The following GALNT9 variants were observed in gnomAD, a reference collection of about 807,000 sequenced individuals.
The protein encoded by GALNT9 is polypeptide N-acetylgalactosaminyltransferase 9.
Under a neutral mutation model 63.1 loss-of-function variants are expected in GALNT9, and 47 were observed. The ratio of observed to expected loss-of-function variants is 0.75; its 90% CI spans 0.59 to 0.95. The LOEUF (loss-of-function observed/expected upper bound fraction) is 0.95, where lower values mean the gene tolerates loss of function less well. Among genes scored for constraint, GALNT9 ranks in the 40% least tolerant of loss-of-function variants. The pLI is 0.00. For missense variants in GALNT9, 829 were observed against 874.8 expected (o/e 0.95, Z 0.66); for synonymous variants, 396 against 365.7 (o/e 1.08, Z -0.94).
At chr12:132,262,209 T>C (rs912450620) in intron 3 of GALNT9, among the ~76,000 whole-genome samples, 8 of 152,058 alleles carry the variant, frequency 5.3e-5, no homozygotes, top group African/African-American at 1.7e-4. Flanking sequence ...GAAGAGAGGA[T>C]GCAGACACAT....
chr12:132,230,605 G>A lies in GALNT9; in HGVS notation c.1077+17305C>T, dbSNP rs964048039. 6.0e-5 allele frequency among the ~76,000 whole-genome samples: 9 copies of A among 149,538 alleles called. No individual in the cohort carries two copies. In the East Asian group the frequency reaches 9.7e-4, roughly 16 times the overall value. On this transcript the variant is annotated intron_variant, in intron 6 of 10. Coordinates refer to ENST00000328957, the MANE Select transcript of GALNT9 (RefSeq NM_001122636.2). ...GGCCGCGCCACCTGGCCCTCGTGGCGGGGAAGTCCTCACGGAGTGGATGAG... is the reference window on the plus strand; with the variant it reads ...GGCCGCGCCACCTGGCCCTCGTGGCAGGGAAGTCCTCACGGAGTGGATGAG...
intron 2 of GALNT9, 147 bp from the exon 3 acceptor site, chr12:132,262,772 G>C (rs1879451565): frequency 2.1e-6 from 3 of 1,438,490 alleles, no homozygotes; most frequent in East Asian, 5.1e-5. Flanking sequence ...TAGCTCATCT[G>C]TCTGCACCTG....
rs1869060649 is a variant in GALNT9 at position 132,326,917 on chromosome 12, C to T, written c.238+2049G>A. 3.3e-5 allele frequency among the ~76,000 whole-genome samples: 5 copies of T among 152,276 alleles called. No individual in the cohort carries two copies. The South Asian group carries it at 8.3e-4, about 25-fold the overall frequency. ...AGACATCAGGCCTCTACGGCACCGCCCTCCCCGTAGGGCCCCACCGGGGGT... is the reference window on the plus strand; with the variant it reads ...AGACATCAGGCCTCTACGGCACCGCTCTCCCCGTAGGGCCCCACCGGGGGT... On this transcript the variant is annotated intron_variant, in intron 1 of 10. Transcript: ENST00000328957.
chr12:132,325,898 CA>C (rs1464625052), intron 1 of GALNT9, among the ~76,000 whole-genome samples: 1 of 152,278 alleles, frequency 6.6e-6, no homozygotes, highest in Non-Finnish European at 1.5e-5. Context: ...CCGCGCCAGG[CA>C]GGGGTGATTC....
intron 1 of GALNT9, among the ~76,000 whole-genome samples, chr12:132,314,111 A>C (rs1593122338): frequency 2.0e-5 from 1 of 49,534 alleles, no homozygotes; most frequent in East Asian, 5.7e-4. Context: ...CCACCCATCC[A>C]TCCACCTAAT....
At position 132,199,274 on chromosome 12, in the gene GALNT9, A is replaced by G. The variant is rs758556190; in HGVS notation, c.1402-5T>C. ...ACTGGCTTTGCTGTTTCTCACCTGC[A>G]AGCAGAAGCCCCAGGAGAAAGTCCA... On this transcript the variant is annotated splice_region_variant and splice_polypyrimidine_tract_variant and intron_variant, in intron 8 of 10. Coordinates refer to ENST00000328957, the MANE Select transcript of GALNT9 (RefSeq NM_001122636.2). 3.8e-6 allele frequency: 6 copies of G among 1,596,212 alleles called. No homozygotes were observed. In the South Asian group the frequency reaches 5.5e-5, roughly 15 times the overall value.
At chr12:132,301,671 C>T (rs2135574848) in intron 1 of GALNT9, among the ~76,000 whole-genome samples, 1 of 152,386 alleles carries the variant, frequency 6.6e-6, no homozygotes. Context: ...GGAGGAGGGA[C>T]CTGGGGCCCC....
chr12:132,240,058 C>A (rs1878185486), intron 6 of GALNT9, among the ~76,000 whole-genome samples: 1 of 152,176 alleles, frequency 6.6e-6, no homozygotes, highest in Non-Finnish European at 1.5e-5. Context: ...ATCCACAGTC[C>A]TTGGGCAGTT....
rs1869091677 is a variant in GALNT9, at chr12:132,327,589, G to A, written c.238+1377C>T. 6.6e-6 allele frequency among the ~76,000 whole-genome samples: 1 copy of A among 152,212 alleles called. No homozygotes were observed. Among genetic ancestry groups the A allele is most frequent in the African/African-American group, 2.4e-5 (1 of 41,454 alleles). Reference sequence around the variant, plus strand: ...TATTGCCGGGCACACCGCCTTCCGGGAGATGAATTGCTCTGCCGGGCGGCT... The same window carrying A: ...TATTGCCGGGCACACCGCCTTCCGGAAGATGAATTGCTCTGCCGGGCGGCT... On this transcript the variant is annotated intron_variant, in intron 1 of 10. Transcript: ENST00000328957. This position sits in a 1 kb window ranked among gnomAD's most constrained non-coding sequence, Gnocchi z 4.3.
intron 1 of GALNT9, among the ~76,000 whole-genome samples, chr12:132,321,192 C>G (rs1313052139): frequency 6.6e-6 from 1 of 151,258 alleles, no homozygotes; most frequent in East Asian, 2.0e-4. Context: ...AGTCGAGGCC[C>G]CTGTTGGTCC....
chr12:132,288,245 G>A (rs1237981705), intron 1 of GALNT9, among the ~76,000 whole-genome samples: 3 of 152,206 alleles, frequency 2.0e-5, no homozygotes, highest in Non-Finnish European at 4.4e-5. Context: ...CCTCAGCAGA[G>A]CCGAGGCTTT....
chr12:132,196,852 C>T lies in GALNT9; in HGVS notation c.*255G>A, dbSNP rs1399893848. The T allele has an allele frequency of 5.3e-6, 7 of 1,315,362 alleles. No homozygotes were observed. Among genetic ancestry groups the T allele is most frequent in the African/African-American group, 1.5e-5 (1 of 66,370 alleles). The allele number at this position is 1,315,362 out of a possible 1,614,324, so 81.5% of individuals were successfully genotyped here. ...GCCAGGAGATACCGTGGAGAAGGCA[C>T]GTGTTTGAGTTGGCATCACTGTCCC... On this transcript the variant is annotated 3_prime_UTR_variant, in exon 11 of 11. Transcript: ENST00000328957.
At chr12:132,256,771 G>A (rs1399455581) in intron 5 of GALNT9, among the ~76,000 whole-genome samples, 1 of 152,170 alleles carries the variant, frequency 6.6e-6, no homozygotes, top group Admixed American at 6.5e-5. Context: ...AGTCCTGCCA[G>A]CCATGTCCGA....
At chr12:132,222,092 G>A (rs1220801681) in intron 6 of GALNT9, among the ~76,000 whole-genome samples, 2 of 152,174 alleles carry the variant, frequency 1.3e-5, no homozygotes, top group Non-Finnish European at 2.9e-5. Flanking sequence ...GAGATTTGAT[G>A]AGTGACCTGA....
chr12:132,317,385 C>T (rs1439008277), intron 1 of GALNT9, among the ~76,000 whole-genome samples: 17 of 152,200 alleles, frequency 1.1e-4, no homozygotes, highest in African/African-American at 3.4e-4. Flanking sequence ...CTTCCACTCG[C>T]GTCCTCACAG....
At chr12:132,259,708 G>A (rs1453459319) in intron 4 of GALNT9, among the ~76,000 whole-genome samples, 1 of 152,204 alleles carries the variant, frequency 6.6e-6, no homozygotes, top group African/African-American at 2.4e-5. Context: ...AAGGTCACAT[G>A]CAGTGGGGTG....
chr12:132,292,496 G>A (rs782555564), intron 1 of GALNT9, among the ~76,000 whole-genome samples: 2 of 152,236 alleles, frequency 1.3e-5, no homozygotes, highest in Non-Finnish European at 2.9e-5. Context: ...GGGCCCTGCT[G>A]TAAGGTCCTG....
intron 6 of GALNT9, among the ~76,000 whole-genome samples, chr12:132,228,355 G>A (rs1463086468): frequency 7.0e-6 from 1 of 142,396 alleles, no homozygotes; most frequent in African/African-American, 2.5e-5. Context: ...GCACCTCCTC[G>A]CTCCCTCCCC....
intron 1 of GALNT9, 28 bp downstream of exon 1, chr12:132,328,938 C>T (rs1555246704): frequency 3.3e-6 from 5 of 1,494,960 alleles, no homozygotes; most frequent in Non-Finnish European, 4.5e-6. Context: ...CAGGGCTGCC[C>T]CCACTCCGCC....
Sources: allele counts gnomAD v4.1 joint callset (sites outside exome capture counted in the v4.1 genomes callset), GRCh38; gene constraint gnomAD v4.1.1; non-coding constraint Gnocchi (gnomAD v3.1); transcripts MANE v1.5; gene names NCBI Gene and HGNC (gene_info 2026-07-23, HGNC 2026-07-21).